The following RUNX2 variants were observed in gnomAD, a reference collection of about 807,000 sequenced individuals.
RUNX2 encodes runt-related transcription factor 2.
RUNX2 carries 10 observed loss-of-function variants against 51.7 expected under a neutral mutation model. The observed-to-expected ratio is 0.19, with a 90% CI of 0.12 to 0.33. The LOEUF is 0.33. Among genes scored for constraint, RUNX2 ranks in the 10% least tolerant of loss-of-function variants. The probability of loss-of-function intolerance (pLI) is 1.00; values close to 1 mark genes in which losing one functional copy is unlikely to be tolerated. For missense variants in RUNX2, 562 were observed against 691.3 expected, an observed-to-expected ratio of 0.81 and a Z score of 2.10; for synonymous variants, 276 against 273.6, an observed-to-expected ratio of 1.01 and a Z score of -0.09.
chr6:45,419,880 G>T (rs1332907713), intron 2 of RUNX2, among the ~76,000 whole-genome samples: 2 of 151,878 alleles, frequency 1.3e-5, no homozygotes, highest in East Asian at 1.9e-4. Flanking sequence ...TCGCTTCTCG[G>T]AGTCACCGAG....
At chr6:45,425,814 T>C (rs1318366077) in intron 3 of RUNX2, among the ~76,000 whole-genome samples, 1 of 152,196 alleles carries the variant, frequency 6.6e-6, no homozygotes, top group African/African-American at 2.4e-5. Context: ...TTGGCCATGA[T>C]ATTTAGAGCT....
intron 5 of RUNX2, among the ~76,000 whole-genome samples, chr6:45,476,555 A>G (rs1425319258): frequency 6.6e-6 from 1 of 152,214 alleles, no homozygotes; most frequent in African/African-American, 2.4e-5. Flanking sequence ...GACTTGGCCC[A>G]GAAAGGGCTG....
rs369441009 is a variant in RUNX2 at position 45,373,754 on chromosome 6, T to C, written c.58+44970T>C. Among the ~76,000 whole-genome samples, 134 of 152,300 alleles carry C rather than the reference T, an allele frequency of 8.8e-4. 1 individual carries two copies. Among genetic ancestry groups the C allele is most frequent in the Non-Finnish European group, 4.1e-4 (28 of 68,024 alleles). On this transcript the variant is annotated intron_variant, in intron 2 of 8. Transcript: ENST00000647337. The stretch of plus-strand genomic sequence containing the variant: ...TTTTAGTAGAGACGGGGTTTCGCCA[T>C]GTTGGCCAGTCTGGTCTCCAACTCC...
intron 2 of RUNX2, among the ~76,000 whole-genome samples, chr6:45,333,707 G>A (rs957170928): frequency 1.3e-5 from 2 of 151,210 alleles, no homozygotes; most frequent in Non-Finnish European, 3.0e-5. Context: ...ATGAGCTGTA[G>A]AATTAAAACA....
chr6:45,400,553 C>T (rs1337855542), intron 2 of RUNX2, among the ~76,000 whole-genome samples: 2 of 152,198 alleles, frequency 1.3e-5, no homozygotes, highest in African/African-American at 2.4e-5. Flanking sequence ...ATCTGATGCC[C>T]TCCCCAAGAC....
intron 1 of RUNX2, 64 bp from the exon 2 acceptor site, chr6:45,328,597 A>C: frequency 6.3e-7 from 1 of 1,592,782 alleles, no homozygotes; most frequent in Non-Finnish European, 8.5e-7. Flanking sequence ...ATAAATATAA[A>C]GTCTATGTAC....
At chr6:45,402,319 A>C (rs993408595) in intron 2 of RUNX2, among the ~76,000 whole-genome samples, 1 of 152,242 alleles carries the variant, frequency 6.6e-6, no homozygotes, top group African/African-American at 2.4e-5. Flanking sequence ...CATATACCAT[A>C]AGTAGCATTA....
intron 2 of RUNX2, chr6:45,378,012 A>T (rs1797064915): frequency 6.6e-6 from 1 of 151,368 alleles, no homozygotes; most frequent in Non-Finnish European, 1.5e-5. Flanking sequence ...CTGAGGAGTA[A>T]GCGATACGGA....
At chr6:45,390,071 A>G (rs979834833) in intron 2 of RUNX2, among the ~76,000 whole-genome samples, 1 of 152,160 alleles carries the variant, frequency 6.6e-6, no homozygotes, top group African/African-American at 2.4e-5. Flanking sequence ...GAAATAGGTC[A>G]GGCTATGATG....
chr6:45,481,929 T>A (rs1213770966), intron 5 of RUNX2, among the ~76,000 whole-genome samples: 2 of 152,214 alleles, frequency 1.3e-5, no homozygotes, highest in African/African-American at 2.4e-5. Context: ...AAAATCCTAA[T>A]TCATATAATT....
chr6:45,435,796 C>A (rs2150370462), intron 4 of RUNX2, among the ~76,000 whole-genome samples: 1 of 152,334 alleles, frequency 6.6e-6, no homozygotes, highest in African/African-American at 2.4e-5. Context: ...GAAAGGCAAT[C>A]CTGGGCCCAT....
At chr6:45,424,929 A>G (rs1250752602) in intron 3 of RUNX2, among the ~76,000 whole-genome samples, 1 of 152,158 alleles carries the variant, frequency 6.6e-6, no homozygotes, top group Non-Finnish European at 1.5e-5. Flanking sequence ...TGAATTGTAT[A>G]AATTTAAATT....
intron 2 of RUNX2, chr6:45,365,082 TACTTGATTAATA>T (rs1452051661): frequency 2.9e-6 from 2 of 684,642 alleles, no homozygotes; most frequent in Non-Finnish European, 4.4e-6. Context: ...ATTTCATTTT[TACTTGATTAATA>T]ACAAATTATT....
chr6:45,425,416 T>A (rs566674993), intron 3 of RUNX2, among the ~76,000 whole-genome samples: 4 of 152,354 alleles, frequency 2.6e-5, no homozygotes, highest in Non-Finnish European at 4.4e-5. Flanking sequence ...AACTTGTTAA[T>A]CACACAGAGT....
Position 45,411,018 on chromosome 6 carries a change from G to A in RUNX2, c.59-11575G>A, listed in dbSNP as rs143941335. Among the ~76,000 whole-genome samples the A allele has an allele frequency of 4.5e-3, 690 of 152,216 alleles. 6 individuals are homozygous for A. Among genetic ancestry groups the A allele is most frequent in the South Asian group, 0.014 (69 of 4,826 alleles). On this transcript the variant is annotated intron_variant, in intron 2 of 8. Transcript: ENST00000647337. ...AGAGAAGAAGTGTAGTTTACATGTG[G>A]TCCTGTTGCTCTGTTCCTGGAAGGG...
At position 45,510,748 on chromosome 6, in the gene RUNX2, A is replaced by T. The variant is rs577369028; in HGVS notation, c.860-1498A>T. 5.0e-3 allele frequency among the ~76,000 whole-genome samples: 751 copies of T among 151,254 alleles called. 12 individuals carry two copies. The highest frequency in any genetic ancestry group is 0.017 in the African/African-American group (706 of 41,408). ...CTATGTCACCCAGAGTTTTTTTTTT[A>T]ATATATATATGTATATAAAATAATT... On this transcript the variant is annotated intron_variant, in intron 6 of 8. Transcript: ENST00000647337.
chr6:45,503,052 C>A (rs1800846357), intron 6 of RUNX2, among the ~76,000 whole-genome samples: 1 of 152,186 alleles, frequency 6.6e-6, no homozygotes, highest in Non-Finnish European at 1.5e-5. Flanking sequence ...TACTCATCTT[C>A]TAGACTTATG....
At chr6:45,490,576 A>G (rs1393649744) in intron 5 of RUNX2, among the ~76,000 whole-genome samples, 1 of 152,206 alleles carries the variant, frequency 6.6e-6, no homozygotes, top group East Asian at 1.9e-4. Context: ...TAGTTGGGAA[A>G]TTCTAATGTT....
intron 2 of RUNX2, among the ~76,000 whole-genome samples, chr6:45,331,126 T>TGC (rs1352072883): frequency 0.011 from 1,438 of 132,898 alleles, 23 homozygotes; most frequent in African/African-American, 0.035. Context: ...TGTGTGTGTG[T>TGC]GCGCGCGCGC....
Sources: gnomAD v4.1 joint callset for allele counts (sites outside exome capture counted in the v4.1 genomes callset) on GRCh38, gnomAD v4.1.1 for gene constraint, MANE v1.5 for transcripts, NCBI Gene and HGNC (gene_info 2026-07-23, HGNC 2026-07-21) for gene names.